Variants in PLEKHM3 observed in about 807,000 individuals in gnomAD.
The protein encoded by PLEKHM3 is pleckstrin homology domain containing M3.
In PLEKHM3, 45 loss-of-function variants were observed where a neutral mutation model predicts 81.8. The ratio of observed to expected loss-of-function variants is 0.55; its 90% CI spans 0.43 to 0.71. The LOEUF (loss-of-function observed/expected upper bound fraction) is 0.71. Among genes scored for constraint, PLEKHM3 ranks in the 30% least tolerant of loss-of-function variants. PLEKHM3 has a pLI of 0.00. For synonymous variants in PLEKHM3, 352 were observed against 356.4 expected, an observed-to-expected ratio of 0.99 and a Z score of 0.14; for missense variants, 788 against 924.3, an observed-to-expected ratio of 0.85 and a Z score of 1.91.
chr2:207,991,945 G>A (rs978952838), intron 2 of PLEKHM3, among the ~76,000 whole-genome samples: 2 of 152,118 alleles, frequency 1.3e-5, no homozygotes, highest in Non-Finnish European at 2.9e-5. Context: ...TGATATTTTG[G>A]CCTTACTATT....
rs562753380 is a variant in PLEKHM3, at chr2:207,859,296, AC to A, written c.2108+1808del. Among the ~76,000 whole-genome samples the A allele has an allele frequency of 5.7e-3, 867 of 151,212 alleles. 11 individuals are homozygous for A. Among genetic ancestry groups the A allele is most frequent in the African/African-American group, 0.02 (825 of 41,250 alleles). On this transcript the variant is annotated intron_variant, in intron 7 of 7. Coordinates refer to ENST00000427836, the MANE Select transcript of PLEKHM3 (RefSeq NM_001080475.3). ...TGGGATTACAGGCATGTACCACTAT[AC>A]CCGGCTAATTTTGTATTTTTAGTAG...
At chr2:207,990,751 C>G (rs1473738970) in intron 2 of PLEKHM3, among the ~76,000 whole-genome samples, 1 of 152,166 alleles carries the variant, frequency 6.6e-6, no homozygotes, top group Non-Finnish European at 1.5e-5. Flanking sequence ...AGATGGTATT[C>G]CACAGATATT....
chr2:207,994,931 C>G (rs1167812029), intron 2 of PLEKHM3, among the ~76,000 whole-genome samples: 2 of 152,174 alleles, frequency 1.3e-5, no homozygotes, highest in African/African-American at 4.8e-5. Flanking sequence ...GCAAGGCAAT[C>G]TCCCAAGTAA....
At position 207,977,593 on chromosome 2, in the gene PLEKHM3, A is replaced by G; in HGVS notation, c.611-7T>C. On this transcript the variant is annotated splice_polypyrimidine_tract_variant and splice_region_variant and intron_variant, in intron 2 of 7. Coordinates refer to ENST00000427836, the MANE Select transcript of PLEKHM3 (RefSeq NM_001080475.3). The stretch of plus-strand genomic sequence containing the variant: ...GGGAATGTCTGCTTGTGTTCTAGAA[A>G]GGAAAAGAGAGGCAAAGTATTGATT... The G allele has an allele frequency of 6.3e-7, 1 of 1,583,246 alleles. No homozygotes were observed. The highest frequency in any genetic ancestry group is 8.6e-7 in the Non-Finnish European group (1 of 1,164,992).
intron 5 of PLEKHM3, among the ~76,000 whole-genome samples, chr2:207,930,230 A>G (rs1464503134): frequency 6.6e-6 from 1 of 152,150 alleles, no homozygotes; most frequent in Non-Finnish European, 1.5e-5. Context: ...TGTGCATTTT[A>G]ATTATAGCTC....
chr2:207,944,039 A>T (rs1376835550), intron 4 of PLEKHM3, among the ~76,000 whole-genome samples: 1 of 152,228 alleles, frequency 6.6e-6, no homozygotes, highest in Non-Finnish European at 1.5e-5. Context: ...AGGAATTATC[A>T]GCATAAGAAT....
At position 207,889,797 on chromosome 2, in the gene PLEKHM3, A is replaced by G. The variant is rs983774348; in HGVS notation, c.1950+18717T>C. ...TGCCACCCCCAGCCCTTCTACATTC[A>G]CACATTTTCCCTCTTATTTTTTTTG... On this transcript the variant is annotated intron_variant, in intron 6 of 7. Transcript: ENST00000427836. Among the ~76,000 whole-genome samples, 9 of 151,724 alleles carry G rather than the reference A, an allele frequency of 5.9e-5. 1 individual carries two copies. Among genetic ancestry groups the G allele is most frequent in the South Asian group, 2.1e-4 (1 of 4,786 alleles).
intron 2 of PLEKHM3, among the ~76,000 whole-genome samples, chr2:207,978,850 G>A (rs1423787474): frequency 6.6e-6 from 1 of 152,256 alleles, no homozygotes; most frequent in Middle Eastern, 3.4e-3. Flanking sequence ...TGGGCTCTTA[G>A]TTCAGGCTAT....
At chr2:207,979,806 G>A (rs1691460840) in intron 2 of PLEKHM3, among the ~76,000 whole-genome samples, 1 of 152,076 alleles carries the variant, frequency 6.6e-6, no homozygotes, top group Non-Finnish European at 1.5e-5. Context: ...CAAACCAAAA[G>A]AGAAAAGGAG....
chr2:207,926,807 T>C (rs909743731), intron 5 of PLEKHM3, among the ~76,000 whole-genome samples: 6 of 152,188 alleles, frequency 3.9e-5, no homozygotes, highest in Admixed American at 1.3e-4. Context: ...ACAGTGAGGA[T>C]GAATACCGGA....
intron 1 of PLEKHM3, among the ~76,000 whole-genome samples, chr2:208,014,917 T>C (rs1286453790): frequency 6.6e-6 from 1 of 152,224 alleles, no homozygotes; most frequent in East Asian, 1.9e-4. Context: ...GCTAATCTCT[T>C]TAAACATGTC....
intron 6 of PLEKHM3, among the ~76,000 whole-genome samples, chr2:207,886,117 CA>C (rs202026243): frequency 0.019 from 2,815 of 151,464 alleles, 92 homozygotes; most frequent in African/African-American, 0.064. Flanking sequence ...CAATATTTCA[CA>C]AAAAAAGGGG....
At chr2:207,988,369 G>GT (rs1481736838) in intron 2 of PLEKHM3, among the ~76,000 whole-genome samples, 3 of 152,156 alleles carry the variant, frequency 2.0e-5, no homozygotes, top group Non-Finnish European at 2.9e-5. Flanking sequence ...CTGAGTCTCA[G>GT]TTTCCTCATC....
intron 1 of PLEKHM3, among the ~76,000 whole-genome samples, chr2:208,014,866 G>A (rs189422386): frequency 2.0e-5 from 3 of 152,296 alleles, no homozygotes; most frequent in Non-Finnish European, 4.4e-5. Context: ...GCATATGATA[G>A]CTGGGACTCA....
At chr2:207,985,310 TC>T (rs965765717) in intron 2 of PLEKHM3, among the ~76,000 whole-genome samples, 11 of 151,882 alleles carry the variant, frequency 7.2e-5, no homozygotes, top group Non-Finnish European at 1.5e-5. Context: ...GCTTTCTTCA[TC>T]CCTTCTAGTT....
At chr2:208,011,785 C>CTTTTTTTTTTTTTTTTTTTTTTT (rs1177948830) in intron 1 of PLEKHM3, among the ~76,000 whole-genome samples, 1 of 79,992 alleles carries the variant, frequency 1.3e-5, no homozygotes, top group African/African-American at 6.0e-5. Flanking sequence ...CTCTGATAAA[C>CTTTTTTTTTTTTTTTTTTTTTTT]TTTTTTTTTT....
chr2:207,949,553 T>G (rs1574435105), intron 3 of PLEKHM3, among the ~76,000 whole-genome samples: 1 of 152,158 alleles, frequency 6.6e-6, no homozygotes, highest in East Asian at 1.9e-4. Context: ...AGAAAAAAAT[T>G]TTTTAAAAAG....
In PLEKHM3 at chr2:207,825,746, G is replaced by C. The variant is rs1270952211; in HGVS notation, c.*2573C>G. On this transcript the variant is annotated 3_prime_UTR_variant, in exon 8 of 8. Transcript: ENST00000427836. Reference sequence around the variant, plus strand: ...CCAAGCTGTCAGGGTGGTACGAAAAGGAGAGGAAACAGGAGTGCTGGACAT... The same window carrying C: ...CCAAGCTGTCAGGGTGGTACGAAAACGAGAGGAAACAGGAGTGCTGGACAT... 1 of 152,218 alleles carries C rather than the reference G, an allele frequency of 6.6e-6. No homozygotes were observed. Among genetic ancestry groups the C allele is most frequent in the East Asian group, 1.9e-4 (1 of 5,188 alleles). 9.4% of individuals were successfully genotyped at this position (152,218 alleles called of 1,614,324 possible). A position where few individuals can be genotyped will look rare whatever the true frequency, so the allele number is the denominator to read the frequency against.
At position 207,840,295 on chromosome 2, in the gene PLEKHM3, C is replaced by T. The variant is rs543064595; in HGVS notation, c.2109-11799G>A. Among the ~76,000 whole-genome samples the T allele has an allele frequency of 2.6e-5, 4 of 152,152 alleles. No homozygotes were observed. The East Asian group carries it at 7.7e-4, about 29-fold the overall frequency. ...AAACTGCTGGACTCAAGGGATCCTC[C>T]CACCTCAGCCTCCCAAGTATTAACA... On this transcript the variant is annotated intron_variant, in intron 7 of 7. Transcript: ENST00000427836.
Sources: gnomAD v4.1 joint callset for allele counts (sites outside exome capture counted in the v4.1 genomes callset) on GRCh38, gnomAD v4.1.1 for gene constraint, MANE v1.5 for transcripts, NCBI Gene and HGNC (gene_info 2026-07-23, HGNC 2026-07-21) for gene names.